SLC39A11: variants seen among roughly 807,000 people sequenced by gnomAD.
SLC39A11 encodes zinc transporter ZIP11.
Under a neutral mutation model 36.1 loss-of-function variants are expected in SLC39A11, and 33 were observed. The ratio of observed to expected loss-of-function variants is 0.91; its 90% CI spans 0.69 to 1.22. The LOEUF (loss-of-function observed/expected upper bound fraction) is 1.22, where lower values mean the gene tolerates loss of function less well. Among genes scored for constraint, SLC39A11 ranks in the 50% most tolerant of loss-of-function variants. SLC39A11 has a pLI of 0.00. For synonymous variants in SLC39A11, 166 were observed against 170.3 expected, an observed-to-expected ratio of 0.97 and a Z score of 0.20; for missense variants, 432 against 430.3, an observed-to-expected ratio of 1.00 and a Z score of -0.03.
At chr17:72,757,080 C>T (rs772872351) in intron 6 of SLC39A11, among the ~76,000 whole-genome samples, 5 of 151,726 alleles carry the variant, frequency 3.3e-5, no homozygotes, top group Middle Eastern at 3.4e-3. Context: ...GCAGGAGAAT[C>T]GCTTGAAACC....
At chr17:72,655,277 T>A (rs1338644508) in intron 7 of SLC39A11, among the ~76,000 whole-genome samples, 19 of 152,244 alleles carry the variant, frequency 1.2e-4, no homozygotes, top group Admixed American at 1.2e-3. Flanking sequence ...TTGTTGGGCA[T>A]TGGTCAGAGG....
chr17:72,968,228 A>G (rs184497469), intron 4 of SLC39A11, among the ~76,000 whole-genome samples: 5 of 152,326 alleles, frequency 3.3e-5, no homozygotes, highest in Admixed American at 3.3e-4. Context: ...CAGTTCTAGA[A>G]TTTAAAAGGA....
intron 7 of SLC39A11, among the ~76,000 whole-genome samples, chr17:72,657,235 C>T (rs2143956096): frequency 6.6e-6 from 1 of 152,130 alleles, no homozygotes; most frequent in Non-Finnish European, 1.5e-5. Context: ...TGGTGGGTGC[C>T]CGTAATCCCA....
rs1028457258 is a variant in SLC39A11, at chr17:72,821,142, C to T, written c.601+28492G>A. ...GGTGGTTCGCAGGTATAATTAATTA[C>T]GTTAGAATGAGATCATCATGCAGTA... On this transcript the variant is annotated intron_variant, in intron 6 of 9. Transcript: ENST00000255559. Among the ~76,000 whole-genome samples, 6 of 150,382 alleles carry T rather than the reference C, an allele frequency of 4.0e-5. 1 individual carries two copies. The highest frequency in any genetic ancestry group is 4.2e-4 in the South Asian group (2 of 4,708).
intron 6 of SLC39A11, among the ~76,000 whole-genome samples, chr17:72,826,851 A>G (rs941765441): frequency 9.9e-5 from 15 of 152,162 alleles, no homozygotes; most frequent in Non-Finnish European, 2.2e-4. Context: ...AGATAATAAC[A>G]AGTGTTGGTG....
At chr17:72,720,615 GAGC>G (rs1210351609) in intron 7 of SLC39A11, among the ~76,000 whole-genome samples, 1 of 152,166 alleles carries the variant, frequency 6.6e-6, no homozygotes, top group Non-Finnish European at 1.5e-5. Flanking sequence ...CAGGAAGCAA[GAGC>G]AGTAGCTTCA....
intron 7 of SLC39A11, among the ~76,000 whole-genome samples, chr17:72,668,135 A>G (rs2070838073): frequency 6.6e-6 from 1 of 152,172 alleles, no homozygotes; most frequent in Admixed American, 6.5e-5. Context: ...TGACACAGAC[A>G]ATGTGAAAGA....
At chr17:72,804,240 C>T (rs1182103612) in intron 6 of SLC39A11, among the ~76,000 whole-genome samples, 1 of 152,072 alleles carries the variant, frequency 6.6e-6, no homozygotes, top group Non-Finnish European at 1.5e-5. Context: ...CATTTTTATT[C>T]CAAGTCCCCA....
At chr17:72,935,656 T>C (rs2084695699) in intron 5 of SLC39A11, among the ~76,000 whole-genome samples, 1 of 152,186 alleles carries the variant, frequency 6.6e-6, no homozygotes, top group Non-Finnish European at 1.5e-5. Context: ...GGCTCACTGC[T>C]GCCTCTACCT....
chr17:72,754,253 C>T (rs4793483), intron 6 of SLC39A11, among the ~76,000 whole-genome samples: 54,204 of 151,584 alleles, frequency 0.36, 11,789 homozygotes, highest in Non-Finnish European at 0.49. Flanking sequence ...TATGAGGATG[C>T]AAAGGCATAC....
intron 4 of SLC39A11, among the ~76,000 whole-genome samples, chr17:72,968,718 G>C (rs1329567426): frequency 1.3e-5 from 2 of 152,126 alleles, no homozygotes; most frequent in Non-Finnish European, 2.9e-5. Context: ...GTTGACTCCT[G>C]TGTAAGAAAA....
chr17:72,945,218 T>C (rs546982517), intron 5 of SLC39A11, among the ~76,000 whole-genome samples: 50 of 152,276 alleles, frequency 3.3e-4, no homozygotes, highest in Middle Eastern at 3.4e-3. Context: ...ATCTCATAAA[T>C]GCTTTTCCCA....
chr17:72,811,333 C>T (rs1040571793), intron 6 of SLC39A11, among the ~76,000 whole-genome samples: 1 of 152,180 alleles, frequency 6.6e-6, no homozygotes, highest in African/African-American at 2.4e-5. Flanking sequence ...CCATTATGAC[C>T]TAATTACCTC....
intron 4 of SLC39A11, among the ~76,000 whole-genome samples, chr17:73,021,245 G>A (rs1486756832): frequency 6.6e-6 from 1 of 152,136 alleles, no homozygotes; most frequent in African/African-American, 2.4e-5. Context: ...CTAGGGGTAC[G>A]GTTATAAGCA....
intron 7 of SLC39A11, among the ~76,000 whole-genome samples, chr17:72,724,234 A>G (rs2073829495): frequency 6.6e-6 from 1 of 152,148 alleles, no homozygotes; most frequent in Non-Finnish European, 1.5e-5. Context: ...GGTTTGGACA[A>G]GGACTCTGGA....
At chr17:72,670,063 CATATATAT>C (rs773046900) in intron 7 of SLC39A11, among the ~76,000 whole-genome samples, 4 of 149,360 alleles carry the variant, frequency 2.7e-5, no homozygotes, top group African/African-American at 7.5e-5. Flanking sequence ...TGTATATACA[CATATATAT>C]ACGTATAGAT....
At chr17:72,885,636 T>C (rs1011594358) in intron 5 of SLC39A11, among the ~76,000 whole-genome samples, 1 of 150,128 alleles carries the variant, frequency 6.7e-6, no homozygotes, top group African/African-American at 2.5e-5. Context: ...GCTATATTTA[T>C]TTCCAGCTCC....
chr17:72,959,325 G>GTGTGTGTATATATA (rs1436484912), intron 4 of SLC39A11, among the ~76,000 whole-genome samples: 10 of 65,544 alleles, frequency 1.5e-4, no homozygotes, highest in African/African-American at 4.8e-4. Context: ...GTGTGTGTGT[G>GTGTGTGTATATATA]TATATATATA....
At chr17:72,965,383 GACTTTACA>G (rs2086891310) in intron 4 of SLC39A11, among the ~76,000 whole-genome samples, 1 of 152,064 alleles carries the variant, frequency 6.6e-6, no homozygotes, top group East Asian at 1.9e-4. Flanking sequence ...AAGCTTTTTT[GACTTTACA>G]ACGGTGCAAA....
Sources: allele counts gnomAD v4.1 joint callset (sites outside exome capture counted in the v4.1 genomes callset), GRCh38; gene constraint gnomAD v4.1.1; transcripts MANE v1.5; gene names NCBI Gene and HGNC (gene_info 2026-07-23, HGNC 2026-07-21).